The following ZNF420 variants were observed in gnomAD, a reference collection of about 807,000 sequenced individuals.
ZNF420 encodes zinc finger protein 420.
In ZNF420, 31 loss-of-function variants were observed where a neutral mutation model predicts 44.7. That is an observed-to-expected ratio of 0.69 (90% CI 0.52 to 0.94). The LOEUF (loss-of-function observed/expected upper bound fraction) is 0.94. ZNF420 is among the 40% of genes least tolerant of loss of function. ZNF420 has a pLI of 0.00. For synonymous variants in ZNF420, 245 were observed against 267.4 expected, an observed-to-expected ratio of 0.92 and a Z score of 0.82; for missense variants, 681 against 827.9, an observed-to-expected ratio of 0.82 and a Z score of 2.18.
intron 1 of ZNF420, among the ~76,000 whole-genome samples, chr19:37,037,483 T>G (rs1267670381): frequency 6.6e-6 from 1 of 152,228 alleles, no homozygotes; most frequent in Non-Finnish European, 1.5e-5. Context: ...CTACACTTTC[T>G]GCCCCAGGGC....
chr19:37,085,886 C>T (rs999810463), intron 2 of ZNF420, among the ~76,000 whole-genome samples: 2 of 151,440 alleles, frequency 1.3e-5, no homozygotes, highest in African/African-American at 4.8e-5. Context: ...CTGCCTCAGC[C>T]TCCCAAGTAG....
At chr19:37,065,806 T>G (rs1967958676) in intron 1 of ZNF420, among the ~76,000 whole-genome samples, 1 of 152,204 alleles carries the variant, frequency 6.6e-6, no homozygotes, top group South Asian at 2.1e-4. Flanking sequence ...GGTCACTTAA[T>G]TTTCAATAAA....
chr19:37,106,554 C>T (rs1228161871), intron 4 of ZNF420, among the ~76,000 whole-genome samples: 1 of 152,090 alleles, frequency 6.6e-6, no homozygotes, highest in Non-Finnish European at 1.5e-5. Context: ...TTAGGAAGCA[C>T]GATTTAGGCC....
intron 1 of ZNF420, among the ~76,000 whole-genome samples, chr19:37,056,930 G>A (rs1383033725): frequency 4.6e-5 from 7 of 152,382 alleles, no homozygotes; most frequent in Admixed American, 3.3e-4. Flanking sequence ...CTGCCTCTGC[G>A]CTGCCGCCAT....
At chr19:37,027,578 C>T (rs1048602509) in intron 1 of ZNF420, among the ~76,000 whole-genome samples, 5 of 152,294 alleles carry the variant, frequency 3.3e-5, no homozygotes, top group Admixed American at 3.3e-4. Context: ...CCTATTCATC[C>T]TTCCCTCTGC....
chr19:37,044,684 G>A (rs935111213), intron 1 of ZNF420, among the ~76,000 whole-genome samples: 1 of 152,060 alleles, frequency 6.6e-6, no homozygotes, highest in African/African-American at 2.4e-5. Flanking sequence ...TGGCCAACAT[G>A]GTGAAACCCC....
intron 1 of ZNF420, among the ~76,000 whole-genome samples, chr19:37,028,017 T>C (rs1967186172): frequency 1.3e-5 from 2 of 152,228 alleles, no homozygotes; most frequent in Admixed American, 1.3e-4. Context: ...CCTTCCACAG[T>C]GACTGTACCA....
chr19:37,071,998 G>A (rs2146455688), intron 1 of ZNF420, among the ~76,000 whole-genome samples: 1 of 152,204 alleles, frequency 6.6e-6, no homozygotes, highest in African/African-American at 2.4e-5. Flanking sequence ...TCATAATAAA[G>A]TAGACTCAAT....
At position 37,107,170 on chromosome 19, in the gene ZNF420, C is replaced by T. The variant is rs992513653; in HGVS notation, c.136+16049C>T. 7 of 152,008 alleles carry T rather than the reference C, an allele frequency of 4.6e-5. No homozygotes were observed. The East Asian group carries it at 1.4e-3, about 29-fold the overall frequency. 9.4% of individuals were successfully genotyped at this position (152,008 alleles called of 1,614,324 possible). On this transcript the variant is annotated intron_variant, in intron 4 of 4. Coordinates refer to ENST00000337995, the MANE Select transcript of ZNF420 (RefSeq NM_144689.5). ...AATCCTCCTCAGCACAGACCCTTTT[C>T]GGGTGTCGGGCTGGGGGATGTCGGG... is the stretch of plus-strand genomic sequence containing the variant.
In ZNF420 at chr19:37,036,131, C is replaced by T. The variant is rs117165389; in HGVS notation, c.-125+28049C>T. The stretch of plus-strand genomic sequence containing the variant: ...GAAGTGGTTAATGGGCACAAAAATA[C>T]AGTTAGATGGAAAGAAAAGAACTTC... On this transcript the variant is annotated intron_variant, in intron 1 of 4. Transcript: ENST00000587029. Among the ~76,000 whole-genome samples the T allele has an allele frequency of 7.3e-3, 1,112 of 152,160 alleles. 5 individuals are homozygous for T. The highest frequency in any genetic ancestry group is 9.1e-3 in the Non-Finnish European group (620 of 68,016).
Position 37,127,768 on chromosome 19 carries a change from C to G in ZNF420, c.777C>G (p.Ala259=), listed in dbSNP as rs749361424. 7 of 1,613,876 alleles carry G rather than the reference C, an allele frequency of 4.3e-6. No homozygotes were observed. The South Asian group carries it at 4.4e-5, about 10-fold the overall frequency. The change falls in exon 5 of 5, where the codon GCC becomes GCG. Residue 259 remains alanine, a synonymous_variant. Transcript: ENST00000337995. ...ATGAATGTAAAGAATGTGGGAAGGC[C>G]TTTACTCAGAATTCACAACTTACAC... ...KPYECKECGK[A]FTQNSQLTLH... is the part of the protein sequence containing the mutation.
chr19:37,080,983 G>A (rs1261568534), intron 2 of ZNF420, among the ~76,000 whole-genome samples: 1 of 151,256 alleles, frequency 6.6e-6, no homozygotes, highest in Non-Finnish European at 1.5e-5. Flanking sequence ...CGTGAACCTG[G>A]GAGGCAGAGC....
chr19:37,081,445 A>C (rs1242575124), intron 2 of ZNF420, among the ~76,000 whole-genome samples: 1 of 150,376 alleles, frequency 6.6e-6, no homozygotes, highest in Non-Finnish European at 1.5e-5. Context: ...CCATATCTTT[A>C]CTGAGTTTTT....
At chr19:37,065,027 G>A (rs1266582245) in intron 1 of ZNF420, among the ~76,000 whole-genome samples, 1 of 152,220 alleles carries the variant, frequency 6.6e-6, no homozygotes, top group Non-Finnish European at 1.5e-5. Context: ...GTGAGAATGT[G>A]GAGGTCAAAA....
intron 4 of ZNF420, among the ~76,000 whole-genome samples, chr19:37,115,331 C>T (rs1436989418): frequency 4.6e-5 from 7 of 152,174 alleles, no homozygotes; most frequent in South Asian, 2.1e-4. Context: ...GCTCACCATA[C>T]GGAGGACCCG....
At chr19:37,038,232 T>A (rs192584239) in intron 1 of ZNF420, among the ~76,000 whole-genome samples, 1 of 152,350 alleles carries the variant, frequency 6.6e-6, no homozygotes, top group East Asian at 1.9e-4. Flanking sequence ...AATACTTGAT[T>A]GCCAAAAAAT....
intron 1 of ZNF420, among the ~76,000 whole-genome samples, chr19:37,051,625 T>C (rs1292639110): frequency 6.6e-6 from 1 of 152,204 alleles, no homozygotes; most frequent in Non-Finnish European, 1.5e-5. Flanking sequence ...TCTTTATTAG[T>C]CTTGCTAGCA....
chr19:37,120,158 A>AG (rs1970946161), intron 4 of ZNF420, among the ~76,000 whole-genome samples: 1 of 152,232 alleles, frequency 6.6e-6, no homozygotes, highest in Admixed American at 6.5e-5. Flanking sequence ...AGCCTGGCAG[A>AG]GACACAGCCA....
chr19:37,089,223 C>T lies in ZNF420; in HGVS notation c.9+96C>T, dbSNP rs147937399. The T allele has an allele frequency of 2.6e-4, 282 of 1,067,048 alleles. No individual in the cohort carries two copies. The African/African-American group carries it at 3.9e-3, about 15-fold the overall frequency. 66.1% of individuals were successfully genotyped at this position (1,067,048 alleles called of 1,614,324 possible). A position where few individuals can be genotyped will look rare whatever the true frequency, so the allele number is the denominator to read the frequency against. On this transcript the variant is annotated intron_variant, in intron 3 of 4. Coordinates refer to ENST00000337995, the MANE Select transcript of ZNF420 (RefSeq NM_144689.5). ...CTCCTGAAACTTCATTCCTAACTGA[C>T]CTCACTCAGGAATGTGCTCCTCAGT...
Sources: allele counts gnomAD v4.1 joint callset (sites outside exome capture counted in the v4.1 genomes callset), GRCh38; gene constraint gnomAD v4.1.1; transcripts MANE v1.5; gene names NCBI Gene and HGNC (gene_info 2026-07-23, HGNC 2026-07-21).